FURIN: variants seen among roughly 807,000 people sequenced by gnomAD.
FURIN encodes the protein furin, paired basic amino acid cleaving enzyme, also known as FES upstream region.
In FURIN, 18 loss-of-function variants were observed where a neutral mutation model predicts 89.2. That is an observed-to-expected ratio of 0.20 (90% confidence interval 0.14 to 0.30). The LOEUF is 0.30. Ranked by LOEUF, FURIN falls within the 10% of genes least tolerant of loss-of-function variation. The probability of loss-of-function intolerance (pLI) is 1.00; values close to 1 mark genes in which losing one functional copy is unlikely to be tolerated. For synonymous variants in FURIN, 508 were observed against 466.4 expected (o/e 1.09, Z -1.15); for missense variants, 879 against 1,100.5 (o/e 0.80, Z 2.85).
chr15:90,878,077 C>T, intron 7 of FURIN, 55 bp from the exon 8 acceptor site: 1 of 1,566,100 alleles, frequency 6.4e-7, no homozygotes, highest in South Asian at 1.1e-5. Context: ...GGGGTGGGGG[C>T]CCTGACAGCT....
At position 90,875,905 on chromosome 15, in the gene FURIN, C is replaced by T. The variant is rs2151222584; in HGVS notation, c.165C>T (p.Leu55=). 2 of 1,584,224 alleles carry T rather than the reference C, an allele frequency of 1.3e-6. No individual in the cohort carries two copies. Among genetic ancestry groups the T allele is most frequent in the East Asian group, 4.5e-5 (2 of 44,082 alleles). The part of the protein sequence containing the change: ...ANSVARKHGF[L]NLGQIFGDYY... The stretch of plus-strand genomic sequence containing the variant: ...GTGTGGCACGGAAGCATGGGTTCCT[C>T]AACCTGGGCCAGGTAGGTGTTCCCC... The change falls in exon 2 of 16, where the codon CTC becomes CTT. Residue 55 remains leucine (L), a synonymous_variant. Coordinates refer to ENST00000268171, the MANE Select transcript of FURIN (RefSeq NM_002569.4).
At position 90,881,073 on chromosome 15, in the gene FURIN, C is replaced by A; in HGVS notation, c.1792+33C>A. 1 of 1,509,402 alleles carries A rather than the reference C, an allele frequency of 6.6e-7. No individual in the cohort carries two copies. Among genetic ancestry groups the A allele is most frequent in the Non-Finnish European group, 9.2e-7 (1 of 1,084,424 alleles). 93.5% of individuals were successfully genotyped at this position (1,509,402 alleles called of 1,614,324 possible). On this transcript the variant is annotated intron_variant, in intron 15 of 15. Coordinates refer to ENST00000268171, the MANE Select transcript of FURIN (RefSeq NM_002569.4). The surrounding 1 kb of genome is among the most constrained non-coding windows in gnomAD (Gnocchi z 4.3). The stretch of plus-strand genomic sequence containing the variant: ...GTGGGTGCTGTTGGGCTTTGGGGGC[C>A]TGAGTCTGGGGGTAAGGCGGGTGCC...
intron 1 of FURIN, chr15:90,873,200 A>C (rs2031414327): frequency 6.6e-6 from 1 of 152,232 alleles, no homozygotes. Flanking sequence ...ATGCTGTGGC[A>C]GAGCCGTCTG....
At chr15:90,873,346 A>G (rs2031425508) in intron 1 of FURIN, among the ~76,000 whole-genome samples, 1 of 152,138 alleles carries the variant, frequency 6.6e-6, no homozygotes, top group South Asian at 2.1e-4. Flanking sequence ...GAGTGCTGCA[A>G]GGTAATTAAA....
intron 7 of FURIN, 53 bp from the exon 8 acceptor site, chr15:90,878,079 C>T (rs1028879823): frequency 6.3e-7 from 1 of 1,588,640 alleles, no homozygotes; most frequent in Non-Finnish European, 8.6e-7. Context: ...GGTGGGGGCC[C>T]TGACAGCTGG....
intron 1 of FURIN, among the ~76,000 whole-genome samples, chr15:90,873,669 G>A (rs975199491): frequency 6.6e-5 from 10 of 152,132 alleles, no homozygotes; most frequent in African/African-American, 2.4e-5. Flanking sequence ...CTAGGGCTGG[G>A]GCGCCTAGCT....
rs1190330739 is a variant in FURIN at position 90,877,609 on chromosome 15, A to G, written c.661A>G (p.Ile221Val). 1 of 1,563,388 alleles carries G rather than the reference A, an allele frequency of 6.4e-7. No individual in the cohort carries two copies. The highest frequency in any genetic ancestry group is 8.7e-7 in the Non-Finnish European group (1 of 1,153,216). Residue 221 changes from isoleucine to valine, a missense_variant, in exon 7 of 16, where the codon ATT becomes GTT. Ile to Val is a conservative substitution (Grantham distance 29). Around this residue, in one of 5 missense-constraint regions of FURIN, gnomAD observed 139 missense variants for 215.0 expected, o/e 0.65. Coordinates refer to ENST00000268171, the MANE Select transcript of FURIN (RefSeq NM_002569.4). ...TGTAGGTGTGGCCTACAACGCCCGC[A>G]TTGGAGGTGAGTGTGGGCCTGGGCC... ...CGVGVAYNARIGGVRMLDGEV... is the reference protein window; with the variant it reads ...CGVGVAYNARVGGVRMLDGEV...
In FURIN at chr15:90,882,226, C is replaced by T. The variant is rs1257062593; in HGVS notation, c.*348C>T. The T allele has an allele frequency of 6.7e-6, 2 of 298,842 alleles. No homozygotes were observed. The highest frequency in any genetic ancestry group is 1.3e-5 in the Non-Finnish European group (2 of 157,742). The allele number at this position is 298,842 out of a possible 1,614,324, so 18.5% of individuals were successfully genotyped here. Reference sequence around the variant, plus strand: ...TCCTGACCCAGGCCGCAGCTCTTGCCCTTCCCTGTCCCTCTAAAGCAATAA... The same window carrying T: ...TCCTGACCCAGGCCGCAGCTCTTGCTCTTCCCTGTCCCTCTAAAGCAATAA... On this transcript the variant is annotated 3_prime_UTR_variant, in exon 16 of 16. Transcript: ENST00000268171.
intron 1 of FURIN, among the ~76,000 whole-genome samples, chr15:90,871,065 G>A (rs1382676269): frequency 6.6e-6 from 1 of 152,230 alleles, no homozygotes; most frequent in East Asian, 1.9e-4. Context: ...AGTAGGCCAA[G>A]AGGAGGCTGG....
intron 7 of FURIN, 143 bp downstream of exon 7, chr15:90,877,758 G>A: frequency 1.5e-6 from 1 of 655,546 alleles, no homozygotes; most frequent in South Asian, 2.0e-5. Flanking sequence ...GGTTCCCAAA[G>A]GGTCAAAGAC....
In FURIN at chr15:90,879,668, C is replaced by A. The variant is rs756763487; in HGVS notation, c.1155-3C>A. 6.2e-7 allele frequency: 1 copy of A among 1,611,512 alleles called. No individual in the cohort carries two copies. The highest frequency in any genetic ancestry group is 1.1e-5 in the South Asian group (1 of 91,056). ...CCCCAGCCTCTCCCTTCCTTCTTTGCAGTAAGAACCTCACATGGCGGGACA... is the reference window on the plus strand; with the variant it reads ...CCCCAGCCTCTCCCTTCCTTCTTTGAAGTAAGAACCTCACATGGCGGGACA... On this transcript the variant is annotated splice_region_variant and splice_polypyrimidine_tract_variant and intron_variant, in intron 10 of 15. Transcript: ENST00000268171.
chr15:90,879,515 C>T lies in FURIN; in HGVS notation c.1125C>T (p.Ala375=), dbSNP rs201433527. Residue 375 remains alanine (A), a synonymous_variant, in exon 10 of 16, where the codon GCC becomes GCT. Coordinates refer to ENST00000268171, the MANE Select transcript of FURIN (RefSeq NM_002569.4). ...TGTSASAPLA[A]GIIALTLEAN... ...CCTCAGCCTCTGCCCCCTTAGCAGC[C>T]GGCATCATTGCTCTCACCCTGGAGG... The T allele has an allele frequency of 2.0e-5, 33 of 1,612,810 alleles. No homozygotes were observed. Among genetic ancestry groups the T allele is most frequent in the South Asian group, 4.4e-5 (4 of 91,050 alleles).
intron 7 of FURIN, 92 bp downstream of exon 7, chr15:90,877,707 T>C: frequency 1.1e-6 from 1 of 879,000 alleles, no homozygotes; most frequent in Non-Finnish European, 1.8e-6. Flanking sequence ...CCTGCCACTT[T>C]CCCACTGTGG....
At chr15:90,879,314 G>C (rs528925038) in intron 9 of FURIN, 130 bp from the exon 10 acceptor site, 4 of 716,894 alleles carry the variant, frequency 5.6e-6, no homozygotes, top group African/African-American at 1.8e-5. Flanking sequence ...GCTGGGACCT[G>C]GGGTTCTTGG....
chr15:90,869,292 C>T (rs1487318414), intron 1 of FURIN, among the ~76,000 whole-genome samples: 3 of 152,050 alleles, frequency 2.0e-5, no homozygotes, highest in East Asian at 1.9e-4. Context: ...GCCCCTAGGG[C>T]CCCAGGTCAG....
rs1783756097 is a variant in FURIN at position 90,883,329 on chromosome 15, T to TA, written c.*1451_*1452insA. ...GGCCAGCCCGGCTGGTTTTGTAAGA[T>TA]GCTGGGTTGGTGCACAGTGATTTTT... On this transcript the variant is annotated 3_prime_UTR_variant, in exon 16 of 16. Coordinates refer to ENST00000268171, the MANE Select transcript of FURIN (RefSeq NM_002569.4). The TA allele has an allele frequency of 6.5e-6, 1 of 153,452 alleles. No homozygotes were observed. The allele number at this position is 153,452 out of a possible 1,614,324, so 9.5% of individuals were successfully genotyped here.
rs2031611295 is a variant in FURIN, at chr15:90,876,197, C to T, written c.178-58C>T. 1.0e-5 allele frequency: 12 copies of T among 1,166,104 alleles called. No individual in the cohort carries two copies. The highest frequency in any genetic ancestry group is 1.8e-5 in the Admixed American group (1 of 57,044). 72.2% of individuals were successfully genotyped at this position (1,166,104 alleles called of 1,614,324 possible). A position where few individuals can be genotyped will look rare whatever the true frequency, so the allele number is the denominator to read the frequency against. On this transcript the variant is annotated intron_variant, in intron 2 of 15. Coordinates refer to ENST00000268171, the MANE Select transcript of FURIN (RefSeq NM_002569.4). The surrounding 1 kb of genome is among the most constrained non-coding windows in gnomAD (Gnocchi z 5.0). ...TGAAGCCGTTGTCCACCCCCGTCCC[C>T]CGCCTCCCGGGGACTGACAGATGGA...
Position 90,876,411 on chromosome 15 carries a change from C to T in FURIN, c.277-51C>T, listed in dbSNP as rs763509695. The stretch of plus-strand genomic sequence containing the variant: ...CCCTCCCCCTCCTGCTCTCAGGAGC[C>T]CCTCTCGCCTCCTGCTCCACCCACA... On this transcript the variant is annotated intron_variant, in intron 3 of 15. Coordinates refer to ENST00000268171, the MANE Select transcript of FURIN (RefSeq NM_002569.4). The surrounding 1 kb of genome is among the most constrained non-coding windows in gnomAD (Gnocchi z 5.0). 4.5e-5 allele frequency: 68 copies of T among 1,517,242 alleles called. No homozygotes were observed. In the East Asian group the frequency reaches 1.5e-3, roughly 33 times the overall value. The allele number at this position is 1,517,242 out of a possible 1,614,324, so 94.0% of individuals were successfully genotyped here. A position where few individuals can be genotyped will look rare whatever the true frequency, so the allele number is the denominator to read the frequency against.
rs906556515 is a variant in FURIN at position 90,881,229 on chromosome 15, C to T, written c.1793-57C>T. 4 of 1,397,748 alleles carry T rather than the reference C, an allele frequency of 2.9e-6. No homozygotes were observed. In the East Asian group the frequency reaches 9.2e-5, roughly 32 times the overall value. The allele number at this position is 1,397,748 out of a possible 1,614,324, so 86.6% of individuals were successfully genotyped here. The stretch of plus-strand genomic sequence containing the variant: ...TGACTTGGCTTGGGGCTGCTGTGGT[C>T]CTGGGGCTACAGTCTGTTTAGCTGA... On this transcript the variant is annotated intron_variant, in intron 15 of 15. Coordinates refer to ENST00000268171, the MANE Select transcript of FURIN (RefSeq NM_002569.4). This position sits in a 1 kb window ranked among gnomAD's most constrained non-coding sequence, Gnocchi z 4.3.
Sources: gnomAD v4.1 joint callset for allele counts (sites outside exome capture counted in the v4.1 genomes callset) on GRCh38, gnomAD v4.1.1 for gene constraint, gnomAD v4.1.1 regional missense constraint, Gnocchi (gnomAD v3.1) non-coding constraint, MANE v1.5 for transcripts, NCBI Gene and HGNC (gene_info 2026-07-23, HGNC 2026-07-21) for gene names.